GPC6: variants seen among roughly 807,000 people sequenced by gnomAD.
The protein encoded by GPC6 is glypican 6, also known as glypican-6.
A neutral mutation model predicts 55.2 loss-of-function variants in GPC6; 14 were observed. The ratio of observed to expected loss-of-function variants is 0.25; its 90% CI spans 0.17 to 0.40. GPC6 has a LOEUF of 0.40. Ranked by LOEUF, GPC6 falls within the 10% of genes least tolerant of loss-of-function variation. GPC6 has a pLI of 1.00. For synonymous variants in GPC6, 278 were observed against 259.6 expected, an observed-to-expected ratio of 1.07 and a Z score of -0.68; for missense variants, 641 against 708.5, an observed-to-expected ratio of 0.90 and a Z score of 1.08.
chr13:94,110,394 A>G (rs1051427932), intron 4 of GPC6, among the ~76,000 whole-genome samples: 8 of 152,108 alleles, frequency 5.3e-5, no homozygotes, highest in South Asian at 2.1e-4. Context: ...AGAAAAACCT[A>G]TCTGCCTATT....
chr13:94,141,148 G>C (rs1887361198), intron 4 of GPC6, among the ~76,000 whole-genome samples: 1 of 152,084 alleles, frequency 6.6e-6, no homozygotes, highest in African/African-American at 2.4e-5. Flanking sequence ...GCATATCAGG[G>C]AGACAGGCGT....
intron 6 of GPC6, among the ~76,000 whole-genome samples, chr13:94,332,104 G>A (rs1339526641): frequency 6.6e-6 from 1 of 152,176 alleles, no homozygotes; most frequent in Non-Finnish European, 1.5e-5. Flanking sequence ...TCCCCGAACA[G>A]GTTCTAGAAA....
Position 93,531,789 on chromosome 13 carries a change from A to C in GPC6, c.161-13474A>C, listed in dbSNP as rs1260789588. 3.3e-5 allele frequency among the ~76,000 whole-genome samples: 5 copies of C among 152,312 alleles called. No homozygotes were observed. The East Asian group carries it at 9.6e-4, about 29-fold the overall frequency. ...AAAACATAATACATATACGTTGTAA[A>C]AATTTATTTCATACATAGTCACAAT... On this transcript the variant is annotated intron_variant, in intron 1 of 8. Transcript: ENST00000377047.
intron 1 of GPC6, among the ~76,000 whole-genome samples, chr13:93,354,316 A>G (rs1880748981): frequency 6.6e-6 from 1 of 151,172 alleles, no homozygotes. Context: ...AATTTAAAAG[A>G]CAAGTCACAA....
intron 1 of GPC6, among the ~76,000 whole-genome samples, chr13:93,455,534 T>G (rs1203875872): frequency 6.6e-6 from 1 of 151,904 alleles, no homozygotes; most frequent in Non-Finnish European, 1.5e-5. Flanking sequence ...AGGTGAGGAA[T>G]AAGCCTTGGA....
intron 1 of GPC6, among the ~76,000 whole-genome samples, chr13:93,390,938 T>G (rs1485103659): frequency 6.6e-6 from 1 of 151,994 alleles, no homozygotes; most frequent in African/African-American, 2.4e-5. Context: ...ACAATTCTCT[T>G]GGTCTCCTCC....
intron 2 of GPC6, among the ~76,000 whole-genome samples, chr13:93,659,906 G>A (rs1880850377): frequency 1.3e-5 from 2 of 151,936 alleles, no homozygotes; most frequent in Non-Finnish European, 2.9e-5. Context: ...ATATATATAT[G>A]TGTGTGTATA....
chr13:94,250,752 G>A (rs1468333394), intron 4 of GPC6, among the ~76,000 whole-genome samples: 4 of 152,136 alleles, frequency 2.6e-5, no homozygotes, highest in Non-Finnish European at 4.4e-5. Flanking sequence ...CAGTGGGGTT[G>A]TAGATAAAAC....
chr13:93,361,971 G>A, intron 1 of GPC6, among the ~76,000 whole-genome samples: 1 of 152,192 alleles, frequency 6.6e-6, no homozygotes, highest in East Asian at 1.9e-4. Flanking sequence ...GTGACTGGAT[G>A]ATCATACAAA....
In GPC6 at chr13:93,446,999, C is replaced by T. The variant is rs539804135; in HGVS notation, c.161-98264C>T. Reference sequence around the variant, plus strand: ...GTGGTGGTGCTTGCTGTGTCAGGTTCTCTGGTTTGAAAGGCCAGTAACCTG... The same window carrying T: ...GTGGTGGTGCTTGCTGTGTCAGGTTTTCTGGTTTGAAAGGCCAGTAACCTG... On this transcript the variant is annotated intron_variant, in intron 1 of 8. Coordinates refer to ENST00000377047, the MANE Select transcript of GPC6 (RefSeq NM_005708.5). Among the ~76,000 whole-genome samples the T allele has an allele frequency of 7.2e-5, 11 of 152,086 alleles. No individual in the cohort carries two copies. In the South Asian group the frequency reaches 2.3e-3, roughly 32 times the overall value.
chr13:94,355,437 C>G (rs990969678), intron 6 of GPC6, among the ~76,000 whole-genome samples: 1 of 152,158 alleles, frequency 6.6e-6, no homozygotes, highest in Non-Finnish European at 1.5e-5. Flanking sequence ...CATGCATGCA[C>G]TATTGCTTTC....
At chr13:93,372,448 T>C (rs1354048467) in intron 1 of GPC6, among the ~76,000 whole-genome samples, 1 of 152,204 alleles carries the variant, frequency 6.6e-6, no homozygotes, top group Non-Finnish European at 1.5e-5. Context: ...CTACTTGTTA[T>C]TGATACATAG....
intron 2 of GPC6, among the ~76,000 whole-genome samples, chr13:93,612,272 T>G (rs562988761): frequency 2.0e-5 from 3 of 152,212 alleles, no homozygotes; most frequent in East Asian, 1.9e-4. Flanking sequence ...AGCCGAGGCG[T>G]GCGGATCACG....
intron 3 of GPC6, among the ~76,000 whole-genome samples, chr13:93,919,925 C>T (rs759687449): frequency 2.6e-4 from 39 of 152,208 alleles, no homozygotes; most frequent in Admixed American, 2.6e-3. Flanking sequence ...CTCGCGTAGA[C>T]ACGCACTCAC....
At chr13:93,461,091 T>C (rs944647471) in intron 1 of GPC6, among the ~76,000 whole-genome samples, 2 of 152,112 alleles carry the variant, frequency 1.3e-5, no homozygotes, top group Non-Finnish European at 2.9e-5. Context: ...GTGTGTTTTG[T>C]TTTTGTTTGA....
At chr13:94,086,892 T>C (rs1393163433) in intron 4 of GPC6, among the ~76,000 whole-genome samples, 1 of 152,178 alleles carries the variant, frequency 6.6e-6, no homozygotes, top group African/African-American at 2.4e-5. Context: ...ACATGTGTCT[T>C]TATTTGGCAG....
chr13:94,308,456 G>A (rs1876069584), intron 6 of GPC6, among the ~76,000 whole-genome samples: 2 of 152,110 alleles, frequency 1.3e-5, no homozygotes, highest in African/African-American at 2.4e-5. Context: ...TCTACCTTTT[G>A]CACCCCTCAA....
intron 2 of GPC6, among the ~76,000 whole-genome samples, chr13:93,664,881 A>G (rs1002277957): frequency 6.6e-6 from 1 of 152,254 alleles, no homozygotes; most frequent in Non-Finnish European, 1.5e-5. Context: ...TCTTAAATTG[A>G]CAGACATTAA....
At chr13:93,787,971 T>A (rs1477029024) in intron 2 of GPC6, among the ~76,000 whole-genome samples, 1 of 152,162 alleles carries the variant, frequency 6.6e-6, no homozygotes, top group Non-Finnish European at 1.5e-5. Flanking sequence ...TGCCAGAGAT[T>A]AGGAAATCAC....
Sources: allele counts gnomAD v4.1 joint callset (sites outside exome capture counted in the v4.1 genomes callset), GRCh38; gene constraint gnomAD v4.1.1; transcripts MANE v1.5; gene names NCBI Gene and HGNC (gene_info 2026-07-23, HGNC 2026-07-21).